Variants in AUTS2 observed in about 807,000 individuals in gnomAD.
The protein encoded by AUTS2 is activator of transcription and developmental regulator AUTS2.
AUTS2 carries 17 observed loss-of-function variants against 112.4 expected under a neutral mutation model. That is an observed-to-expected ratio of 0.15 (90% confidence interval 0.10 to 0.23). The LOEUF is 0.23. Among genes scored for constraint, AUTS2 ranks in the 10% least tolerant of loss-of-function variants. The pLI, the probability that AUTS2 is intolerant of heterozygous loss-of-function variation, is 1.00. For missense variants in AUTS2, 1,510 were observed against 1,701.6 expected (o/e 0.89, Z 1.98); for synonymous variants, 751 against 702.7 (o/e 1.07, Z -1.09).
chr7:70,664,207 T>C (rs1742727291), intron 5 of AUTS2, among the ~76,000 whole-genome samples: 1 of 152,238 alleles, frequency 6.6e-6, no homozygotes, highest in Non-Finnish European at 1.5e-5. Context: ...AAACCTACCT[T>C]ATCCCTTCAG....
At chr7:70,616,767 T>A (rs1346513216) in intron 5 of AUTS2, among the ~76,000 whole-genome samples, 1 of 151,688 alleles carries the variant, frequency 6.6e-6, no homozygotes, top group African/African-American at 2.4e-5. Context: ...TTTTTTTTTT[T>A]TTTTGATTGG....
At chr7:70,043,505 G>A (rs550437950) in intron 2 of AUTS2, among the ~76,000 whole-genome samples, 84 of 150,260 alleles carry the variant, frequency 5.6e-4, no homozygotes, top group African/African-American at 1.8e-3. Flanking sequence ...GCTCTCTCCC[G>A]TTTGCATTTC....
rs1789369746 is a variant in AUTS2, at chr7:69,786,268, ACT to A, written c.310-113015_310-113014del. On this transcript the variant is annotated intron_variant, in intron 1 of 18. Transcript: ENST00000342771. Reference sequence around the variant, plus strand: ...AAGGATTGTAAATGCACCAATCAGCACTCTGTTAAAATGCACCAATCAGCGCT... The same window carrying A: ...AAGGATTGTAAATGCACCAATCAGCACTGTTAAAATGCACCAATCAGCGCT... 3.9e-5 allele frequency among the ~76,000 whole-genome samples: 6 copies of A among 152,320 alleles called. No homozygotes were observed. In the Middle Eastern group the frequency reaches 0.01, roughly 259 times the overall value.
At chr7:70,626,865 A>G (rs1477898097) in intron 5 of AUTS2, among the ~76,000 whole-genome samples, 2 of 152,194 alleles carry the variant, frequency 1.3e-5, no homozygotes, top group Non-Finnish European at 1.5e-5. Flanking sequence ...TTCTGGCTGC[A>G]TAGTATTCCA....
At chr7:69,674,869 C>T (rs998917889) in intron 1 of AUTS2, among the ~76,000 whole-genome samples, 6 of 152,122 alleles carry the variant, frequency 3.9e-5, no homozygotes, top group African/African-American at 7.2e-5. Context: ...GGACAAGAAA[C>T]GTGGGTCAGG....
chr7:70,402,511 G>C (rs1794367747), intron 4 of AUTS2, among the ~76,000 whole-genome samples: 1 of 152,192 alleles, frequency 6.6e-6, no homozygotes, highest in Non-Finnish European at 1.5e-5. Flanking sequence ...GAGACACAGA[G>C]GCATCAAGTA....
intron 3 of AUTS2, among the ~76,000 whole-genome samples, chr7:70,126,528 A>C (rs978881681): frequency 6.6e-6 from 1 of 152,206 alleles, no homozygotes; most frequent in Non-Finnish European, 1.5e-5. Flanking sequence ...TCAAGGAGAC[A>C]TAGTAACTTG....
At position 69,840,298 on chromosome 7, in the gene AUTS2, G is replaced by A. The variant is rs536982891; in HGVS notation, c.310-58988G>A. 5.3e-5 allele frequency among the ~76,000 whole-genome samples: 8 copies of A among 152,242 alleles called. No homozygotes were observed. In the East Asian group the frequency reaches 1.4e-3, roughly 26 times the overall value. On this transcript the variant is annotated intron_variant, in intron 1 of 18. Transcript: ENST00000342771. The stretch of plus-strand genomic sequence containing the variant: ...TGTCTGTTGCTTTTGTTCAGATTAA[G>A]CTCTGAAACAAAATTAAGATTCTCG...
intron 1 of AUTS2, among the ~76,000 whole-genome samples, chr7:69,700,298 C>T (rs1056848538): frequency 3.9e-5 from 6 of 151,946 alleles, no homozygotes; most frequent in African/African-American, 1.4e-4. Context: ...TATTTCTTTC[C>T]TGTTTTTTCT....
At chr7:70,222,106 A>C (rs951042358) in intron 4 of AUTS2, among the ~76,000 whole-genome samples, 5 of 152,214 alleles carry the variant, frequency 3.3e-5, no homozygotes, top group African/African-American at 1.2e-4. Context: ...CTATGGATTA[A>C]ATTTTTCACA....
intron 1 of AUTS2, among the ~76,000 whole-genome samples, chr7:69,639,006 G>A (rs932385950): frequency 1.3e-5 from 2 of 152,200 alleles, no homozygotes; most frequent in African/African-American, 2.4e-5. Context: ...GGGTAAACCC[G>A]GAGAAAGGAA....
intron 5 of AUTS2, among the ~76,000 whole-genome samples, chr7:70,637,458 G>T (rs547826203): frequency 1.3e-5 from 2 of 152,322 alleles, no homozygotes; most frequent in East Asian, 3.9e-4. Context: ...ACCATGGGCA[G>T]TCAATAAGTG....
At chr7:70,549,217 TC>T (rs1800919904) in intron 5 of AUTS2, among the ~76,000 whole-genome samples, 5 of 152,242 alleles carry the variant, frequency 3.3e-5, no homozygotes, top group Admixed American at 2.0e-4. Flanking sequence ...TGGTCTTCTA[TC>T]GTATGACAGC....
intron 4 of AUTS2, among the ~76,000 whole-genome samples, chr7:70,183,834 T>TTTC (rs1809456173): frequency 1.4e-5 from 1 of 70,246 alleles, no homozygotes; most frequent in Admixed American, 1.5e-4. Flanking sequence ...TGTCTTTTTC[T>TTTC]TTTTTTTTTT....
At chr7:70,471,928 G>A (rs1797399306) in intron 5 of AUTS2, among the ~76,000 whole-genome samples, 1 of 152,068 alleles carries the variant, frequency 6.6e-6, no homozygotes, top group Non-Finnish European at 1.5e-5. Flanking sequence ...GGCTGACCGG[G>A]CCAGAGTGGA....
intron 5 of AUTS2, among the ~76,000 whole-genome samples, chr7:70,514,304 A>G (rs886482658): frequency 2.0e-5 from 3 of 152,206 alleles, no homozygotes; most frequent in Admixed American, 6.5e-5. Context: ...TTGCATTGCT[A>G]TAAAGGAATA....
chr7:70,726,138 C>CT (rs773559526), intron 6 of AUTS2, among the ~76,000 whole-genome samples: 9 of 151,300 alleles, frequency 5.9e-5, no homozygotes, highest in South Asian at 2.1e-4. Context: ...CTGGAATTTT[C>CT]TTTTTTTTCA....
intron 1 of AUTS2, among the ~76,000 whole-genome samples, chr7:69,888,539 G>GGATA (rs1794375603): frequency 1.8e-5 from 1 of 55,248 alleles, no homozygotes; most frequent in African/African-American, 7.4e-5. Context: ...CCAACATTGG[G>GGATA]GATATATATA....
intron 1 of AUTS2, among the ~76,000 whole-genome samples, chr7:69,714,507 A>T (rs1184059694): frequency 1.3e-5 from 2 of 152,074 alleles, no homozygotes; most frequent in East Asian, 3.9e-4. Context: ...GTCAAAAATT[A>T]GTTGTCTATA....
Sources: allele counts gnomAD v4.1 joint callset (sites outside exome capture counted in the v4.1 genomes callset), GRCh38; gene constraint gnomAD v4.1.1; transcripts MANE v1.5; gene names NCBI Gene and HGNC (gene_info 2026-07-23, HGNC 2026-07-21).